The following TANC2 variants were observed in gnomAD, a reference collection of about 807,000 sequenced individuals.
The protein encoded by TANC2 is protein TANC2.
Under a neutral mutation model 210.5 loss-of-function variants are expected in TANC2, and 26 were observed. The ratio of observed to expected loss-of-function variants is 0.12; its 90% CI spans 0.09 to 0.17. TANC2 has a LOEUF of 0.17. Among genes scored for constraint, TANC2 ranks in the 10% least tolerant of loss-of-function variants. The pLI is 1.00. For missense variants in TANC2, 2,129 were observed against 2,608.9 expected, an observed-to-expected ratio of 0.82 and a Z score of 4.01; for synonymous variants, 931 against 967.1, an observed-to-expected ratio of 0.96 and a Z score of 0.69.
chr17:63,246,243 C>CT (rs141334352), intron 8 of TANC2, among the ~76,000 whole-genome samples: 52,921 of 148,050 alleles, frequency 0.36, 11,661 homozygotes, highest in African/African-American at 0.63. Context: ...CTGGCCAGAA[C>CT]TTTTTTTTTT....
intron 4 of TANC2, among the ~76,000 whole-genome samples, chr17:63,131,499 A>G (rs1026188748): frequency 6.6e-5 from 10 of 151,118 alleles, no homozygotes; most frequent in African/African-American, 2.4e-4. Context: ...ACCAAATATC[A>G]CATCGTTATT....
At chr17:62,990,283 GAATT>G (rs903449228) in intron 1 of TANC2, among the ~76,000 whole-genome samples, 2 of 151,916 alleles carry the variant, frequency 1.3e-5, no homozygotes, top group South Asian at 2.1e-4. Flanking sequence ...ACTGAAAAAG[GAATT>G]AATTAATTAT....
At position 63,204,079 on chromosome 17, in the gene TANC2, A is replaced by G. The variant is rs565484149; in HGVS notation, c.769+3122A>G. On this transcript the variant is annotated intron_variant, in intron 7 of 27. Transcript: ENST00000689528. ...GTATCCCTAACTTACATAAATGCAC[A>G]TCGGTGTGTGGATTCATTCATTTTA... Among the ~76,000 whole-genome samples the G allele has an allele frequency of 2.7e-5, 4 of 146,210 alleles. No individual in the cohort carries two copies. The East Asian group carries it at 5.8e-4, about 21-fold the overall frequency.
chr17:63,412,659 TG>T lies in TANC2; in HGVS notation c.3899-20del. 6.5e-7 allele frequency: 1 copy of T among 1,534,600 alleles called. No individual in the cohort carries two copies. The highest frequency in any genetic ancestry group is 2.4e-5 in the East Asian group (1 of 40,896). On this transcript the variant is annotated intron_variant, in intron 23 of 27. Coordinates refer to ENST00000689528, the Ensembl canonical transcript of TANC2. The surrounding 1 kb of genome is among the most constrained non-coding windows in gnomAD (Gnocchi z 4.2). ...TTTTTTTTCCTCTCCTACAACTTTT[TG>T]TTTTCTCCTTTCTTTGAAGGTTGTC...
chr17:63,179,904 T>C (rs1022065715), intron 5 of TANC2, among the ~76,000 whole-genome samples: 1 of 151,354 alleles, frequency 6.6e-6, no homozygotes, highest in African/African-American at 2.4e-5. Flanking sequence ...CTCAGCTCTT[T>C]GGGAGGTCAA....
intron 2 of TANC2, among the ~76,000 whole-genome samples, chr17:63,015,641 G>A (rs1488948518): frequency 1.3e-5 from 2 of 151,768 alleles, no homozygotes; most frequent in African/African-American, 2.4e-5. Context: ...TCCCCCTAAC[G>A]ACATGAGAAT....
intron 11 of TANC2, among the ~76,000 whole-genome samples, chr17:63,337,042 G>A (rs2429432): frequency 0.59 from 89,851 of 152,064 alleles, 29,123 homozygotes; most frequent in African/African-American, 0.86. Context: ...AAAGTTATAC[G>A]TAATATTAAT....
intron 11 of TANC2, among the ~76,000 whole-genome samples, chr17:63,336,441 C>T (rs536444692): frequency 6.6e-6 from 1 of 152,304 alleles, no homozygotes; most frequent in Non-Finnish European, 1.5e-5. Context: ...TGTGACTCAA[C>T]GCAAGCGTGA....
intron 7 of TANC2, among the ~76,000 whole-genome samples, chr17:63,211,783 A>G (rs915126224): frequency 2.6e-5 from 4 of 152,212 alleles, no homozygotes; most frequent in South Asian, 2.1e-4. Flanking sequence ...GGCACATGGT[A>G]GCATAGTAGA....
intron 7 of TANC2, among the ~76,000 whole-genome samples, chr17:63,206,880 G>A (rs139166432): frequency 3.4e-4 from 52 of 152,188 alleles, no homozygotes; most frequent in African/African-American, 1.1e-3. Flanking sequence ...ATTTTATGTC[G>A]TGTATATTTT....
chr17:63,203,965 C>T (rs1436874283), intron 7 of TANC2, among the ~76,000 whole-genome samples: 1 of 152,102 alleles, frequency 6.6e-6, no homozygotes, highest in Non-Finnish European at 1.5e-5. Context: ...AAATATTTTT[C>T]CCACATTTGG....
chr17:63,316,454 A>C (rs569460646), intron 10 of TANC2, among the ~76,000 whole-genome samples: 1 of 152,280 alleles, frequency 6.6e-6, no homozygotes, highest in African/African-American at 2.4e-5. Flanking sequence ...GGGGAGCAAA[A>C]GTTTATAGAA....
chr17:63,266,696 A>G (rs1279505976), intron 8 of TANC2, among the ~76,000 whole-genome samples: 1 of 152,190 alleles, frequency 6.6e-6, no homozygotes, highest in African/African-American at 2.4e-5. Flanking sequence ...ACATCATACA[A>G]TACAGAAATA....
At chr17:63,016,411 CA>C (rs2034112289) in intron 2 of TANC2, among the ~76,000 whole-genome samples, 6 of 152,132 alleles carry the variant, frequency 3.9e-5, no homozygotes, top group Non-Finnish European at 7.4e-5. Context: ...CCTGTCTCTA[CA>C]AAAAAAATTT....
chr17:63,226,887 A>G (rs182969375), intron 7 of TANC2, among the ~76,000 whole-genome samples: 4 of 152,282 alleles, frequency 2.6e-5, no homozygotes, highest in Non-Finnish European at 4.4e-5. Context: ...TTTGCTTAGG[A>G]TAATGGCTTT....
rs141934882 is a variant in TANC2 at position 63,282,753 on chromosome 17, G to A, written c.1159+14880G>A. On this transcript the variant is annotated intron_variant, in intron 9 of 27. Transcript: ENST00000689528. Reference sequence around the variant, plus strand: ...CTACTATGTAGTGATGTCTCACTGCGCCTTTAATTTGGATTTACTAGTAAC... The same window carrying A: ...CTACTATGTAGTGATGTCTCACTGCACCTTTAATTTGGATTTACTAGTAAC... Among the ~76,000 whole-genome samples the A allele has an allele frequency of 1.3e-4, 20 of 152,050 alleles. 1 individual carries two copies. The East Asian group carries it at 2.3e-3, about 18-fold the overall frequency.
chr17:63,061,316 G>A (rs1250757231), intron 2 of TANC2, among the ~76,000 whole-genome samples: 1 of 151,488 alleles, frequency 6.6e-6, no homozygotes, highest in Non-Finnish European at 1.5e-5. Context: ...GCAGTGAGCC[G>A]AGATCACGCC....
chr17:63,134,022 G>A (rs1455693795), intron 4 of TANC2, among the ~76,000 whole-genome samples: 1 of 152,042 alleles, frequency 6.6e-6, no homozygotes, highest in Non-Finnish European at 1.5e-5. Flanking sequence ...CCAACATATT[G>A]TACTTTTCCC....
At chr17:63,159,780 G>T (rs978408350) in intron 5 of TANC2, among the ~76,000 whole-genome samples, 1 of 152,184 alleles carries the variant, frequency 6.6e-6, no homozygotes, top group South Asian at 2.1e-4. Flanking sequence ...ACAGATTTTG[G>T]TATGGGATTG....
Sources: gnomAD v4.1 joint callset for allele counts (sites outside exome capture counted in the v4.1 genomes callset) on GRCh38, gnomAD v4.1.1 for gene constraint, Gnocchi (gnomAD v3.1) non-coding constraint, MANE v1.5 for transcripts, NCBI Gene and HGNC (gene_info 2026-07-23, HGNC 2026-07-21) for gene names.